FANCG: variants seen among roughly 807,000 people sequenced by gnomAD.
The protein encoded by FANCG is Fanconi anemia group G protein.
FANCG carries 67 observed loss-of-function variants against 73.3 expected under a neutral mutation model. The observed-to-expected ratio is 0.91, with a 90% CI of 0.75 to 1.12. The LOEUF is 1.12. Ranked by LOEUF, FANCG falls within the 50% of genes most tolerant of loss-of-function variation. The pLI, the probability that FANCG is intolerant of heterozygous loss-of-function variation, is 0.00. For synonymous variants in FANCG, 297 were observed against 311.6 expected (o/e 0.95, Z 0.49); for missense variants, 643 against 735.6 (o/e 0.87, Z 1.46).
intron 4 of FANCG, 52 bp from the exon 5 acceptor site, chr9:35,077,451 C>T (rs1245103202): frequency 1.2e-6 from 2 of 1,611,494 alleles, no homozygotes; most frequent in Admixed American, 1.7e-5. Flanking sequence ...TCCTCGTCTT[C>T]TCCTATCTCC....
chr9:35,076,779 T>C lies in FANCG; in HGVS notation c.869A>G (p.Tyr290Cys), dbSNP rs779840229. Reference sequence around the variant, plus strand: ...TGCTGTTGTGTCCCCCAGTTGCTGATAGAGCCTAGAGGCCTCCAGAAGTGG... The same window carrying C: ...TGCTGTTGTGTCCCCCAGTTGCTGACAGAGCCTAGAGGCCTCCAGAAGTGG... ...GPPLLEASRL[Y>C]QQLGDTTAEL... The change falls in exon 7 of 14, where the codon TAT becomes TGT. Residue 290 changes from tyrosine (Y) to cysteine (C), a missense_variant. By Grantham distance (194) the Tyr-to-Cys change is radical. Transcript: ENST00000378643. The C allele has an allele frequency of 1.2e-6, 2 of 1,614,194 alleles. No individual in the cohort carries two copies. The highest frequency in any genetic ancestry group is 1.7e-6 in the Non-Finnish European group (2 of 1,180,028).
chr9:35,075,454 C>A lies in FANCG; in HGVS notation c.1433+11G>T. On this transcript the variant is annotated intron_variant, in intron 10 of 13. Coordinates refer to ENST00000378643, the MANE Select transcript of FANCG (RefSeq NM_004629.2). ...CATCCCTCCACACCCCCTCTAGGAC[C>A]CCGGGCTCACCTGCTAAATTCACTA... 6.2e-7 allele frequency: 1 copy of A among 1,614,084 alleles called. No individual in the cohort carries two copies. The highest frequency in any genetic ancestry group is 8.5e-7 in the Non-Finnish European group (1 of 1,180,030).
In FANCG at chr9:35,074,414, T is replaced by A; in HGVS notation, c.1717A>T (p.Arg573Trp). 6.2e-7 allele frequency: 1 copy of A among 1,614,156 alleles called. No homozygotes were observed. The highest frequency in any genetic ancestry group is 8.5e-7 in the Non-Finnish European group (1 of 1,180,024). Residue 573 changes from arginine to tryptophan, a missense_variant, in exon 13 of 14, where the codon AGG becomes TGG. Arg to Trp is a moderately radical substitution (Grantham distance 101). Transcript: ENST00000378643. ...RRDEATALWW[R>W]LEAQTKGSHE... Reference sequence around the variant, plus strand: ...GACCCCTTAGTTTGGGCCTCCAGCCTCCACCAGAGTGCAGTGGCCTCATCC... The same window carrying A: ...GACCCCTTAGTTTGGGCCTCCAGCCACCACCAGAGTGCAGTGGCCTCATCC...
Position 35,075,516 on chromosome 9 carries a change from T to C in FANCG, c.1382A>G (p.Gln461Arg). The C allele has an allele frequency of 6.2e-7, 1 of 1,614,156 alleles. No individual in the cohort carries two copies. Among genetic ancestry groups the C allele is most frequent in the Non-Finnish European group, 8.5e-7 (1 of 1,180,020 alleles). Residue 461 changes from glutamine to arginine, a missense_variant, in exon 10 of 14, where the codon CAG (glutamine) becomes CGG (arginine). Transcript: ENST00000378643. ...TTGGGCACCCAGTTGAACCCAGGCC[T>C]GGCCCTGAAGCAGGTGGGTGGCAGA... is the stretch of plus-strand genomic sequence containing the variant. ...WVSATHLLQG[Q>R]AWVQLGAQKV...
At chr9:35,079,287 C>T in intron 1 of FANCG, 46 bp from the exon 2 acceptor site, 1 of 1,578,864 alleles carries the variant, frequency 6.3e-7, no homozygotes. Flanking sequence ...ATCCTTTTTT[C>T]TCCCCTTGCA....
chr9:35,077,405 G>A lies in FANCG; in HGVS notation c.511-6C>T, dbSNP rs1244108459. On this transcript the variant is annotated splice_region_variant and splice_polypyrimidine_tract_variant and intron_variant, in intron 4 of 13. Coordinates refer to ENST00000378643, the MANE Select transcript of FANCG (RefSeq NM_004629.2). ...AGATCCTTAGAGGCTCCACTCTGGG[G>A]AAAGAAGGACAACCAGAAGCTCCAA... is the stretch of plus-strand genomic sequence containing the variant. 1 of 1,614,060 alleles carries A rather than the reference G, an allele frequency of 6.2e-7. No homozygotes were observed. Among genetic ancestry groups the A allele is most frequent in the Admixed American group, 1.7e-5 (1 of 60,012 alleles).
rs761019562 is a variant in FANCG at position 35,078,335 on chromosome 9, T to C, written c.316A>G (p.Thr106Ala). 1.2e-6 allele frequency: 2 copies of C among 1,613,168 alleles called. No homozygotes were observed. The highest frequency in any genetic ancestry group is 1.7e-6 in the Non-Finnish European group (2 of 1,179,964). The change falls in exon 4 of 14, where the codon ACA (threonine) becomes GCA (alanine). Residue 106 changes from threonine to alanine, a missense_variant. Transcript: ENST00000378643. ...IQRSLERVLE[T>A]QEQQGPRLEQ... ...AACCTGGGCCCCTGCTGCTCCTGTG[T>C]CTCCAGCACTGTAGAGTATACACAC...
chr9:35,074,804 G>T, intron 12 of FANCG, 123 bp downstream of exon 12: 1 of 1,267,002 alleles, frequency 7.9e-7, no homozygotes, highest in East Asian at 2.3e-5. Context: ...GGTATATATA[G>T]CACAACCCCA....
chr9:35,074,245 G>A (rs928548559), intron 13 of FANCG, 29 bp from the exon 14 acceptor site: 8 of 1,611,656 alleles, frequency 5.0e-6, no homozygotes, highest in Non-Finnish European at 5.1e-6. Context: ...GATGCCTAAG[G>A]GTGAAAGATT....
In FANCG at chr9:35,079,364, G is replaced by T. The variant is rs504082; in HGVS notation, c.84+77C>A. On this transcript the variant is annotated intron_variant, in intron 1 of 13. Transcript: ENST00000378643. ...TGGTCAAGCTCAGTCCCTCCCCATC[G>T]GTTGGGGTAAATCCACTGCAAACCC... 1,021,977 of 1,570,678 alleles carry T rather than the reference G, an allele frequency of 0.65. 350,035 individuals are homozygous for T. The highest frequency in any genetic ancestry group is 0.71 in the Non-Finnish European group (814,818 of 1,140,876).
chr9:35,079,498 G>A lies in FANCG; in HGVS notation c.27C>T (p.Gly9=), dbSNP rs1806425198. Residue 9 remains glycine (G), a synonymous_variant, in exon 1 of 14, where the codon GGC becomes GGT. Coordinates refer to ENST00000378643, the MANE Select transcript of FANCG (RefSeq NM_004629.2). ...CCCTCCACAGGTCCAGGCAGCTGGA[G>A]CCCACAGAGGTGGTCTGGCGGGACA... MSRQTTSV[G]SSCLDLWREK... is the part of the protein sequence containing the mutation. The A allele has an allele frequency of 1.2e-6, 2 of 1,614,024 alleles. No homozygotes were observed. The highest frequency in any genetic ancestry group is 2.2e-5 in the South Asian group (2 of 91,094).
chr9:35,075,393 C>G, intron 10 of FANCG, 68 bp from the exon 11 acceptor site: 1 of 1,613,644 alleles, frequency 6.2e-7, no homozygotes, highest in Non-Finnish European at 8.5e-7. Flanking sequence ...AGTAGGTGAA[C>G]ATGGAGCTCA....
In FANCG at chr9:35,074,927, C is replaced by A. The variant is rs766086210; in HGVS notation, c.1636G>T (p.Gly546Cys). ...GCCGACGTCATGCAAGTATACATAC[C>A]TGGGCACATCTGCACACTGAGGAGG... ...DFLLSVQMCPGNRDTYFHLLQ... is the reference protein window; with the variant it reads ...DFLLSVQMCPCNRDTYFHLLQ... Residue 546 changes from glycine to cysteine, a missense_variant and splice_region_variant, in exon 12 of 14, where the codon GGT becomes TGT. Physicochemically the swap from Gly to Cys is radical, Grantham distance 159. Transcript: ENST00000378643. The A allele has an allele frequency of 4.3e-6, 7 of 1,614,196 alleles. No individual in the cohort carries two copies. Among genetic ancestry groups the A allele is most frequent in the Non-Finnish European group, 5.9e-6 (7 of 1,180,038 alleles).
chr9:35,075,861 G>T, intron 9 of FANCG, 101 bp downstream of exon 9: 2 of 1,539,494 alleles, frequency 1.3e-6, no homozygotes, highest in East Asian at 2.2e-5. Context: ...AGACTGGACA[G>T]ACAGAATAGA....
chr9:35,078,009 C>T, intron 4 of FANCG, 132 bp downstream of exon 4: 1 of 866,556 alleles, frequency 1.2e-6, no homozygotes, highest in South Asian at 1.4e-5. Flanking sequence ...CCCAAGAGTC[C>T]CAGAGAGAAT....
chr9:35,076,167 C>T lies in FANCG; in HGVS notation c.1077-139G>A, dbSNP rs375337128. On this transcript the variant is annotated intron_variant, in intron 8 of 13. Coordinates refer to ENST00000378643, the MANE Select transcript of FANCG (RefSeq NM_004629.2). ...GAAAGGGAGGGAAGGTCTTAGGGCT[C>T]CAATTTTGGCTCAGTATGGATCTAC... 3 of 958,412 alleles carry T rather than the reference C, an allele frequency of 3.1e-6. No individual in the cohort carries two copies. The African/African-American group carries it at 4.9e-5, about 16-fold the overall frequency. The allele number at this position is 958,412 out of a possible 1,614,324, so 59.4% of individuals were successfully genotyped here. A position where few individuals can be genotyped will look rare whatever the true frequency, so the allele number is the denominator to read the frequency against.
rs1382692207 is a variant in FANCG, at chr9:35,076,999, G to C, written c.749C>G (p.Thr250Arg). 3.7e-6 allele frequency: 6 copies of C among 1,614,264 alleles called. No homozygotes were observed. The highest frequency in any genetic ancestry group is 5.1e-6 in the Non-Finnish European group (6 of 1,180,044). Residue 250 changes from threonine (T) to arginine (R), a missense_variant, in exon 6 of 14, where the codon ACA (threonine) becomes AGA (arginine). Transcript: ENST00000378643. ...CTTACGGTGACAGGACCCCAGTGCT[G>C]TGTACACCTGGACCAACACAGGCCG... ...CPRPVLVQVY[T>R]ALGSCHRKMG...
chr9:35,079,301 G>A, intron 1 of FANCG, 60 bp from the exon 2 acceptor site: 1 of 1,554,946 alleles, frequency 6.4e-7, no homozygotes, highest in Non-Finnish European at 8.9e-7. Flanking sequence ...CCTTGCAGCA[G>A]TGGCAAGGGA....
In FANCG at chr9:35,074,584, G is replaced by A. The variant is rs907901400; in HGVS notation, c.1637-90C>T. ...AAAGGGAAACTGAGGCCTAGAGAGA[G>A]GAAGTATCTTGCCTACACTCACATA... On this transcript the variant is annotated intron_variant, in intron 12 of 13. Transcript: ENST00000378643. The A allele has an allele frequency of 9.7e-6, 15 of 1,551,840 alleles. No homozygotes were observed. In the Admixed American group the frequency reaches 1.2e-4, roughly 12 times the overall value.
Sources: allele counts gnomAD v4.1 joint callset, GRCh38; gene constraint gnomAD v4.1.1; transcripts MANE v1.5; gene names NCBI Gene and HGNC (gene_info 2026-07-23, HGNC 2026-07-21).